Variants in DNAJB1 observed in about 807,000 individuals in gnomAD.
The protein encoded by DNAJB1 is DnaJ heat shock protein family (Hsp40) member B1.
In DNAJB1, 14 loss-of-function variants were observed where a neutral mutation model predicts 24.0. The ratio of observed to expected loss-of-function variants is 0.58; its 90% confidence interval spans 0.39 to 0.91. The LOEUF is 0.91. Ranked by LOEUF, DNAJB1 falls within the 40% of genes least tolerant of loss-of-function variation. The probability of loss-of-function intolerance (pLI) is 0.00; values close to 1 mark genes in which losing one functional copy is unlikely to be tolerated. For missense variants in DNAJB1, 517 were observed against 458.1 expected, an observed-to-expected ratio of 1.13 and a Z score of -1.17; for synonymous variants, 262 against 174.4, an observed-to-expected ratio of 1.50 and a Z score of -3.96.
Position 14,517,619 on chromosome 19 carries a change from T to C in DNAJB1, c.211+520A>G, listed in dbSNP as rs532824445. 297 of 154,638 alleles carry C rather than the reference T, an allele frequency of 1.9e-3. 1 individual carries two copies. The highest frequency in any genetic ancestry group is 2.6e-3 in the Non-Finnish European group (181 of 69,794). 9.6% of individuals were successfully genotyped at this position (154,638 alleles called of 1,614,324 possible). On this transcript the variant is annotated intron_variant, in intron 1 of 2. Coordinates refer to ENST00000254322, the MANE Select transcript of DNAJB1 (RefSeq NM_006145.3). ...CCGAGGCGGCCCCGCTCTCCGGACC[T>C]GGGCGGCCGCTGCCTCCTGCGTGCC...
chr19:14,518,392 G>T lies in DNAJB1; in HGVS notation c.-43C>A, dbSNP rs371405566. 2.0e-6 allele frequency: 3 copies of T among 1,514,842 alleles called. No homozygotes were observed. The highest frequency in any genetic ancestry group is 2.4e-5 in the East Asian group (1 of 42,394). The allele number at this position is 1,514,842 out of a possible 1,614,324, so 93.8% of individuals were successfully genotyped here. ...CGCCGACCCGCTGTCGCCGTCCCCC[G>T]GCTCCGCCGCCGACCAGTCCCGGAC... On this transcript the variant is annotated 5_prime_UTR_variant, in exon 1 of 3. Coordinates refer to ENST00000254322, the MANE Select transcript of DNAJB1 (RefSeq NM_006145.3).
In DNAJB1 at chr19:14,556,096, C is replaced by T. The variant is rs73927057; in HGVS notation, c.-2165-1778G>A. ...ACGTCCTCCCCGTGGCCCACAAAGC[C>T]GTGGCACAGACCGCCACATCACCTT... On this transcript the variant is annotated intron_variant, in intron 1 of 5. Coordinates refer to the DNAJB1 transcript ENST00000679223. 2.7e-3 allele frequency among the ~76,000 whole-genome samples: 407 copies of T among 152,290 alleles called. 4 individuals carry two copies. The highest frequency in any genetic ancestry group is 9.2e-3 in the African/African-American group (381 of 41,552).
intron 2 of DNAJB1, among the ~76,000 whole-genome samples, chr19:14,525,063 G>A (rs1413198364): frequency 7.3e-5 from 11 of 151,700 alleles, no homozygotes; most frequent in Non-Finnish European, 1.2e-4. Flanking sequence ...GTGAAATTCC[G>A]TCTGTACTAA....
chr19:14,552,144 CT>C (rs1371792254), upstream of DNAJB1, among the ~76,000 whole-genome samples: 1 of 141,608 alleles, frequency 7.1e-6, no homozygotes, highest in African/African-American at 2.7e-5. Context: ...TGGCCTTTTT[CT>C]TTTCTTTCTT....
intron 1 of DNAJB1, among the ~76,000 whole-genome samples, chr19:14,548,108 G>A (rs199743722): frequency 2.0e-5 from 3 of 151,420 alleles, no homozygotes; most frequent in East Asian, 1.9e-4. Context: ...GACTACAGGC[G>A]CCCACCACCA....
At chr19:14,543,076 A>C (rs1599437014) in intron 1 of DNAJB1, among the ~76,000 whole-genome samples, 1 of 88,752 alleles carries the variant, frequency 1.1e-5, no homozygotes. Context: ...TGGGGTGCCA[A>C]GTTGGGGGTG....
At chr19:14,555,318 G>A (rs1427230904), upstream of DNAJB1, among the ~76,000 whole-genome samples, 4 of 144,328 alleles carry the variant, frequency 2.8e-5, no homozygotes, top group East Asian at 2.1e-4. Context: ...GTGTGATCTC[G>A]GCTCACTGCA....
chr19:14,527,837 T>C (rs1439385409), intron 1 of DNAJB1: 1 of 151,956 alleles, frequency 6.6e-6, no homozygotes, highest in African/African-American at 2.4e-5. Context: ...GGAGAGGAGG[T>C]GAAGAAGTGT....
intron 1 of DNAJB1, among the ~76,000 whole-genome samples, chr19:14,537,589 C>G (rs1246738195): frequency 1.3e-5 from 2 of 152,098 alleles, no homozygotes; most frequent in African/African-American, 4.8e-5. Flanking sequence ...AGACCTTGAG[C>G]TAGTTGGTCA....
chr19:14,549,320 C>T (rs2073412334), intron 1 of DNAJB1, among the ~76,000 whole-genome samples: 1 of 148,444 alleles, frequency 6.7e-6, no homozygotes, highest in Non-Finnish European at 1.5e-5. Context: ...TCAAGCAGTT[C>T]TCCTGCCTCA....
chr19:14,535,568 ATATATATATATATATATATATGTATG>A (rs1456620468), intron 1 of DNAJB1, among the ~76,000 whole-genome samples: 244 of 19,404 alleles, frequency 0.013, 6 homozygotes, highest in East Asian at 0.03. Flanking sequence ...ATATATATAT[ATATATATATATATATATATATGTATG>A]TATATATAAA....
At chr19:14,541,172 C>T (rs1037691191) in intron 1 of DNAJB1, among the ~76,000 whole-genome samples, 1 of 151,892 alleles carries the variant, frequency 6.6e-6, no homozygotes, top group African/African-American at 2.4e-5. Context: ...GAGACGCAGT[C>T]TCACCGTGTT....
At chr19:14,550,931 C>T (rs2073477524), upstream of DNAJB1, among the ~76,000 whole-genome samples, 4 of 152,030 alleles carry the variant, frequency 2.6e-5, no homozygotes, top group Non-Finnish European at 5.9e-5. Flanking sequence ...CTTGGCCTCC[C>T]AGAGTACTGG....
intron 1 of DNAJB1, among the ~76,000 whole-genome samples, chr19:14,557,712 A>T (rs2073779688): frequency 6.6e-6 from 1 of 150,662 alleles, no homozygotes; most frequent in African/African-American, 2.5e-5. Flanking sequence ...TTGGCCTCCC[A>T]AAGTGCTAGG....
chr19:14,516,010 A>G lies in DNAJB1; in HGVS notation c.953T>C (p.Phe318Ser), dbSNP rs1568379091. 6.2e-7 allele frequency: 1 copy of G among 1,611,470 alleles called. No homozygotes were observed. The highest frequency in any genetic ancestry group is 8.5e-7 in the Non-Finnish European group (1 of 1,179,250). The part of the protein sequence containing the change: ...PEKRGDLIIE[F>S]EVIFPERIPQ... ...AATCCTTTCGGGGAAGATCACTTCA[A>G]ACTCAATAATGAGGTCCCCACGTTT... Residue 318 changes from phenylalanine (F) to serine (S), a missense_variant, in exon 3 of 3, where the codon TTT (phenylalanine) becomes TCT (serine). By Grantham distance (155) the Phe-to-Ser change is radical. Transcript: ENST00000254322.
upstream of DNAJB1, among the ~76,000 whole-genome samples, chr19:14,553,791 G>T (rs932404858): frequency 1.3e-5 from 2 of 152,142 alleles, no homozygotes; most frequent in African/African-American, 2.4e-5. Context: ...GCATTGGCTG[G>T]ACAGGGAGCT....
At chr19:14,551,529 C>T (rs982079488), upstream of DNAJB1, among the ~76,000 whole-genome samples, 2 of 152,164 alleles carry the variant, frequency 1.3e-5, no homozygotes, top group African/African-American at 2.4e-5. Flanking sequence ...TGACACCGCC[C>T]CCTGTGGCAG....
At chr19:14,516,259 T>C (rs769387791) in intron 2 of DNAJB1, 89 bp from the exon 3 acceptor site, 11 of 1,457,896 alleles carry the variant, frequency 7.5e-6, no homozygotes, top group Non-Finnish European at 1.0e-5. Context: ...ATAAGACCCA[T>C]CAGGCCTCTG....
chr19:14,528,636 G>A (rs2072493898), intron 1 of DNAJB1, among the ~76,000 whole-genome samples: 1 of 152,028 alleles, frequency 6.6e-6, no homozygotes, highest in South Asian at 2.1e-4. Context: ...CTGTCCATAG[G>A]GCGGAGCAAA....
Sources: gnomAD v4.1 joint callset for allele counts (sites outside exome capture counted in the v4.1 genomes callset) on GRCh38, gnomAD v4.1.1 for gene constraint, MANE v1.5 for transcripts, NCBI Gene and HGNC (gene_info 2026-07-23, HGNC 2026-07-21) for gene names.